The following EMID1 variants were observed in gnomAD, a reference collection of about 807,000 sequenced individuals.
EMID1 encodes EMI domain containing 1.
A neutral mutation model predicts 60.6 loss-of-function variants in EMID1; 40 were observed. The observed-to-expected ratio is 0.66, with a 90% CI of 0.51 to 0.86. EMID1 has a LOEUF of 0.86. EMID1 is among the 40% of genes least tolerant of loss of function. EMID1 has a pLI of 0.00. For missense variants in EMID1, 585 were observed against 597.1 expected (o/e 0.98, Z 0.21); for synonymous variants, 242 against 231.0 (o/e 1.05, Z -0.43).
chr22:29,256,036 T>C (rs2041693913), intron 14 of EMID1, among the ~76,000 whole-genome samples: 1 of 152,090 alleles, frequency 6.6e-6, no homozygotes, highest in South Asian at 2.1e-4. Context: ...CTGGAGCCTG[T>C]GGCTGGCCCT....
At chr22:29,206,920 C>T (rs930181637) in intron 1 of EMID1, among the ~76,000 whole-genome samples, 3 of 152,202 alleles carry the variant, frequency 2.0e-5, no homozygotes, top group African/African-American at 7.2e-5. Flanking sequence ...CAAATCTGCC[C>T]TTCTATCCTT....
chr22:29,258,856 G>A lies in EMID1; in HGVS notation c.1244G>A (p.Gly415Asp), dbSNP rs757841688. The change falls in exon 15 of 15, where the codon GGC (glycine) becomes GAC (aspartate). Residue 415 changes from glycine (G) to aspartate (D), a missense_variant. Transcript: ENST00000334018. ...TCTGGGGCGGGCCCTGCCGGCACAGGCACCCCCAGCCTCCTTCGGGGCAAG... is the reference window on the plus strand; with the variant it reads ...TCTGGGGCGGGCCCTGCCGGCACAGACACCCCCAGCCTCCTTCGGGGCAAG... Reference protein sequence around the residue: ...LGSGAGPAGTGTPSLLRGKRG... With the variant: ...LGSGAGPAGTDTPSLLRGKRG... 1.2e-5 allele frequency: 20 copies of A among 1,612,832 alleles called. No individual in the cohort carries two copies. In the East Asian group the frequency reaches 3.3e-4, roughly 27 times the overall value.
chr22:29,213,176 G>A (rs1176627160), intron 1 of EMID1, among the ~76,000 whole-genome samples: 2 of 152,042 alleles, frequency 1.3e-5, no homozygotes, highest in Admixed American at 6.6e-5. Context: ...TTTCCTCCCC[G>A]TAACTAGGTG....
rs1076888 is a variant in EMID1 at position 29,254,137 on chromosome 22, C to T, written c.1120-66C>T. 4.7e-4 allele frequency: 753 copies of T among 1,607,738 alleles called. 8 individuals are homozygous for T. The East Asian group carries it at 0.015, about 31-fold the overall frequency. ...ATGTCCCGGGTGGGGCATGGGCCAC[C>T]GACGGGCTTTGCAGGGTCCCCTCCC... On this transcript the variant is annotated intron_variant, in intron 13 of 14. Transcript: ENST00000334018.
rs2041224511 is a variant in EMID1, at chr22:29,243,507, A to C, written c.1119+18A>C. On this transcript the variant is annotated intron_variant, in intron 13 of 14. Coordinates refer to ENST00000334018, the MANE Select transcript of EMID1 (RefSeq NM_133455.4). Reference sequence around the variant, plus strand: ...GCCACTGGGTAAGCTCTGGCCTGGCACTGGCCTCTCCCTGCCTTCTCAGCC... The same window carrying C: ...GCCACTGGGTAAGCTCTGGCCTGGCCCTGGCCTCTCCCTGCCTTCTCAGCC... The C allele has an allele frequency of 6.2e-7, 1 of 1,613,722 alleles. No homozygotes were observed. The highest frequency in any genetic ancestry group is 8.5e-7 in the Non-Finnish European group (1 of 1,179,788).
At chr22:29,232,029 G>A in intron 7 of EMID1, 1 of 599,046 alleles carries the variant, frequency 1.7e-6, no homozygotes, top group East Asian at 2.8e-5. Context: ...TTTCTATGAG[G>A]GGTTTTGGGG....
At chr22:29,251,321 G>A (rs562326284) in intron 13 of EMID1, among the ~76,000 whole-genome samples, 1 of 150,954 alleles carries the variant, frequency 6.6e-6, no homozygotes, top group African/African-American at 2.4e-5. Context: ...AGCTCAAGCA[G>A]TCCACCCACC....
intron 8 of EMID1, 120 bp from the exon 9 acceptor site, chr22:29,233,259 A>G: frequency 9.9e-7 from 1 of 1,014,218 alleles, no homozygotes; most frequent in Non-Finnish European, 1.5e-6. Flanking sequence ...CCCAGGTGGT[A>G]CCAGCCATGC....
At chr22:29,215,869 A>G (rs2040063140) in intron 3 of EMID1, among the ~76,000 whole-genome samples, 3 of 152,184 alleles carry the variant, frequency 2.0e-5, no homozygotes, top group African/African-American at 7.2e-5. Flanking sequence ...TATGCTGCAT[A>G]GCTCACATTT....
At position 29,215,072 on chromosome 22, in the gene EMID1, C is replaced by T. The variant is rs1420445152; in HGVS notation, c.215+33C>T. The T allele has an allele frequency of 2.7e-6, 4 of 1,505,460 alleles. No individual in the cohort carries two copies. The South Asian group carries it at 5.1e-5, about 19-fold the overall frequency. 93.3% of individuals were successfully genotyped at this position (1,505,460 alleles called of 1,614,324 possible). ...AGGTGGAGAAGGAACTGATGGCATT[C>T]CAGGTGGAGGCACAGTTTGGGCAAA... On this transcript the variant is annotated intron_variant, in intron 2 of 14. Coordinates refer to ENST00000334018, the MANE Select transcript of EMID1 (RefSeq NM_133455.4).
chr22:29,234,504 T>G (rs1057016442), intron 12 of EMID1, among the ~76,000 whole-genome samples, 155 bp downstream of exon 12: 2 of 152,204 alleles, frequency 1.3e-5, no homozygotes, highest in Admixed American at 6.5e-5. Context: ...ATTGTCCTCT[T>G]TGGATTAGGC....
At chr22:29,215,190 C>A in intron 2 of EMID1, 151 bp downstream of exon 2, 1 of 1,421,030 alleles carries the variant, frequency 7.0e-7, no homozygotes, top group Non-Finnish European at 9.2e-7. Context: ...CCATTCTCAG[C>A]CTATCCCCTG....
intron 2 of EMID1, chr22:29,215,256 AT>A: frequency 1.0e-6 from 1 of 985,406 alleles, no homozygotes; most frequent in Non-Finnish European, 1.2e-6. Context: ...ATTTGCCTGC[AT>A]TCCTTTACTC....
chr22:29,244,356 C>T (rs886621194), intron 13 of EMID1, among the ~76,000 whole-genome samples: 1 of 151,904 alleles, frequency 6.6e-6, no homozygotes, highest in East Asian at 1.9e-4. Flanking sequence ...TCTTGGAGGC[C>T]GAGGCGGGTA....
intron 1 of EMID1, among the ~76,000 whole-genome samples, chr22:29,207,544 C>G (rs1339665396): frequency 6.6e-6 from 1 of 152,198 alleles, no homozygotes; most frequent in African/African-American, 2.4e-5. Context: ...CAGCTTAAGG[C>G]CCAGACCGCC....
intron 14 of EMID1, among the ~76,000 whole-genome samples, chr22:29,257,514 C>A (rs2041745365): frequency 6.6e-6 from 1 of 152,098 alleles, no homozygotes; most frequent in Non-Finnish European, 1.5e-5. Context: ...AGGGGTCCAC[C>A]TCAGGTCTCC....
intron 12 of EMID1, among the ~76,000 whole-genome samples, chr22:29,238,254 AATT>A (rs3066719): frequency 0.28 from 32,146 of 116,388 alleles, 5,822 homozygotes; most frequent in Admixed American, 0.37. Context: ...TTTTTCTAAA[AATT>A]ATTATTATTA....
intron 3 of EMID1, among the ~76,000 whole-genome samples, chr22:29,224,258 G>A (rs2040411596): frequency 6.6e-6 from 1 of 152,196 alleles, no homozygotes; most frequent in Non-Finnish European, 1.5e-5. Flanking sequence ...TGCCAGGCCC[G>A]CGCCTTATTT....
intron 3 of EMID1, among the ~76,000 whole-genome samples, chr22:29,222,827 T>C (rs956703636): frequency 5.9e-5 from 9 of 152,162 alleles, no homozygotes; most frequent in African/African-American, 2.2e-4. Flanking sequence ...CGCGATGGCT[T>C]ATGCCTATAA....
Sources: gnomAD v4.1 joint callset for allele counts (sites outside exome capture counted in the v4.1 genomes callset) on GRCh38, gnomAD v4.1.1 for gene constraint, MANE v1.5 for transcripts, NCBI Gene and HGNC (gene_info 2026-07-23, HGNC 2026-07-21) for gene names.